Variants in R3HDM1 observed in about 807,000 individuals in gnomAD.
The protein encoded by R3HDM1 is R3H domain containing 1.
In R3HDM1, 46 loss-of-function variants were observed where a neutral mutation model predicts 141.1. The ratio of observed to expected loss-of-function variants is 0.33; its 90% CI spans 0.26 to 0.42. R3HDM1 has a LOEUF of 0.42. Ranked by LOEUF, R3HDM1 falls within the 10% of genes least tolerant of loss-of-function variation. The pLI, the probability that R3HDM1 is intolerant of heterozygous loss-of-function variation, is 1.00. For synonymous variants in R3HDM1, 435 were observed against 472.9 expected, an observed-to-expected ratio of 0.92 and a Z score of 1.04; for missense variants, 1,184 against 1,368.3, an observed-to-expected ratio of 0.87 and a Z score of 2.12.
In R3HDM1 at chr2:135,680,191, T is replaced by C. The variant is rs1283865962; in HGVS notation, c.2326T>C (p.Ser776Pro). 3.7e-6 allele frequency: 6 copies of C among 1,613,890 alleles called. No individual in the cohort carries two copies. Among genetic ancestry groups the C allele is most frequent in the South Asian group, 1.1e-5 (1 of 91,046 alleles). Reference protein sequence around the residue: ...PTYQVSLPQGSQGIPHQTYQQ... With the variant: ...PTYQVSLPQGPQGIPHQTYQQ... Reference sequence around the variant, plus strand: ...ATTTTAGGTTTCACTGCCTCAAGGTTCTCAAGGAATTCCCCATCAGACTTA... The same window carrying C: ...ATTTTAGGTTTCACTGCCTCAAGGTCCTCAAGGAATTCCCCATCAGACTTA... The change falls in exon 21 of 27, where the codon TCT (serine) becomes CCT (proline). Residue 776 changes from serine (S) to proline (P), a missense_variant. Ser to Pro is a moderately conservative substitution (Grantham distance 74). This residue lies in a region of R3HDM1 where 563 missense variants were observed against 562.0 expected (regional missense o/e 1.00). Coordinates refer to ENST00000683871, the MANE Select transcript of R3HDM1 (RefSeq NM_001378107.1).
chr2:135,696,233 A>G (rs2073225423), intron 21 of R3HDM1, among the ~76,000 whole-genome samples: 2 of 152,216 alleles, frequency 1.3e-5, no homozygotes, highest in Admixed American at 1.3e-4. Flanking sequence ...CAAAAAATAT[A>G]TATAAACCAC....
At position 135,640,427 on chromosome 2, in the gene R3HDM1, A is replaced by G. The variant is rs115032488; in HGVS notation, c.1220-1109A>G. 3.9e-3 allele frequency among the ~76,000 whole-genome samples: 593 copies of G among 152,358 alleles called. 3 individuals carry two copies. The highest frequency in any genetic ancestry group is 0.014 in the African/African-American group (570 of 41,584). ...TCATAACAGAAAAAGCTATTTATGTATCATGAGAAAATTATGTAGACACAC... is the reference window on the plus strand; with the variant it reads ...TCATAACAGAAAAAGCTATTTATGTGTCATGAGAAAATTATGTAGACACAC... On this transcript the variant is annotated intron_variant, in intron 14 of 26. Transcript: ENST00000683871.
At chr2:135,667,782 A>G (rs927481068) in intron 19 of R3HDM1, 2 of 972,476 alleles carry the variant, frequency 2.1e-6, no homozygotes, top group Non-Finnish European at 2.4e-6. Flanking sequence ...TTTCTTTCTC[A>G]AACTTGGCAG....
At chr2:135,572,660 T>C (rs1704409081) in intron 1 of R3HDM1, among the ~76,000 whole-genome samples, 1 of 152,188 alleles carries the variant, frequency 6.6e-6, no homozygotes, top group South Asian at 2.1e-4. Flanking sequence ...CCCAGATATA[T>C]AGGCAAGAGA....
chr2:135,715,228 A>G (rs2076048863), intron 23 of R3HDM1, among the ~76,000 whole-genome samples: 1 of 152,186 alleles, frequency 6.6e-6, no homozygotes, highest in African/African-American at 2.4e-5. Flanking sequence ...GGGTGCCTGT[A>G]GTCCCAGCTA....
chr2:135,588,973 TACAG>T (rs1396517552), intron 1 of R3HDM1, among the ~76,000 whole-genome samples: 1 of 152,160 alleles, frequency 6.6e-6, no homozygotes, highest in Admixed American at 6.6e-5. Context: ...GCGAAAACAG[TACAG>T]AGAGTATTTT....
rs1385553323 is a variant in R3HDM1, at chr2:135,618,537, A to G, written c.303+1780A>G. ...TGCATTTATTTGATATAATAGATGCATTTTAGCAATGAAATAGACTTTCTA... is the reference window on the plus strand; with the variant it reads ...TGCATTTATTTGATATAATAGATGCGTTTTAGCAATGAAATAGACTTTCTA... On this transcript the variant is annotated intron_variant, in intron 5 of 26. Coordinates refer to ENST00000683871, the MANE Select transcript of R3HDM1 (RefSeq NM_001378107.1). 2.7e-5 allele frequency among the ~76,000 whole-genome samples: 4 copies of G among 148,094 alleles called. No homozygotes were observed. In the Admixed American group the frequency reaches 2.7e-4, roughly 10 times the overall value.
In R3HDM1 at chr2:135,542,606, T is replaced by C. The variant is rs184306755; in HGVS notation, c.-250+10973T>C. On this transcript the variant is annotated intron_variant, in intron 1 of 26. Coordinates refer to ENST00000683871, the MANE Select transcript of R3HDM1 (RefSeq NM_001378107.1). ...TCAAGAGGCATTATTCAACCAGATA[T>C]TTATATTATAAGCATATTATCTGTA... Among the ~76,000 whole-genome samples, 35 of 152,308 alleles carry C rather than the reference T, an allele frequency of 2.3e-4. No homozygotes were observed. In the East Asian group the frequency reaches 3.5e-3, roughly 15 times the overall value.
intron 1 of R3HDM1, chr2:135,559,028 A>C: frequency 1.0e-6 from 1 of 979,884 alleles, no homozygotes; most frequent in South Asian, 4.7e-5. Flanking sequence ...ATACCTTATC[A>C]GTGGTATTTA....
chr2:135,612,237 A>G (rs2060616303), intron 3 of R3HDM1, among the ~76,000 whole-genome samples: 3 of 152,184 alleles, frequency 2.0e-5, no homozygotes, highest in Admixed American at 1.3e-4. Context: ...ATTTTAATTC[A>G]TTATCTTCCT....
intron 5 of R3HDM1, among the ~76,000 whole-genome samples, 155 bp from the exon 6 acceptor site, chr2:135,621,339 A>G (rs1446748571): frequency 6.6e-6 from 1 of 152,074 alleles, no homozygotes; most frequent in Non-Finnish European, 1.5e-5. Flanking sequence ...AAAGTAGTAA[A>G]GTATTATTAA....
rs150498555 is a variant in R3HDM1 at position 135,651,884 on chromosome 2, A to G, written c.1880A>G (p.His627Arg). ...ATCATGACAGCAGCCCCTCCACCACATCCTCCTCCACCGCCACCACCACCA... is the reference window on the plus strand; with the variant it reads ...ATCATGACAGCAGCCCCTCCACCACGTCCTCCTCCACCGCCACCACCACCA... Reference protein sequence around the residue: ...GYIMTAAPPPHPPPPPPPPPP... With the variant: ...GYIMTAAPPPRPPPPPPPPPP... The change falls in exon 18 of 27, where the codon CAT (histidine) becomes CGT (arginine). Residue 627 changes from histidine to arginine, a missense_variant. His to Arg is a conservative substitution (Grantham distance 29). Coordinates refer to ENST00000683871, the MANE Select transcript of R3HDM1 (RefSeq NM_001378107.1). 101 of 1,612,816 alleles carry G rather than the reference A, an allele frequency of 6.3e-5. No individual in the cohort carries two copies. The highest frequency in any genetic ancestry group is 8.0e-5 in the Non-Finnish European group (94 of 1,179,682).
chr2:135,551,041 G>A (rs1332200625), intron 1 of R3HDM1, among the ~76,000 whole-genome samples: 7 of 152,172 alleles, frequency 4.6e-5, no homozygotes, highest in African/African-American at 1.7e-4. Flanking sequence ...TCCACCAGTG[G>A]ACAAGGGACC....
intron 7 of R3HDM1, chr2:135,622,992 A>G: frequency 1.0e-6 from 1 of 981,936 alleles, no homozygotes; most frequent in Non-Finnish European, 1.2e-6. Context: ...CTCTTGATTG[A>G]GTTAGACATA....
chr2:135,659,389 C>T (rs6755391), intron 18 of R3HDM1, among the ~76,000 whole-genome samples: 36,296 of 151,768 alleles, frequency 0.24, 6,316 homozygotes, highest in African/African-American at 0.48. Flanking sequence ...TGAGCCCCTG[C>T]CCCTGGCCCT....
chr2:135,669,064 A>G (rs1288331841), intron 19 of R3HDM1: 3 of 855,420 alleles, frequency 3.5e-6, no homozygotes, highest in Non-Finnish European at 4.2e-6. Flanking sequence ...ATTTTTAGAG[A>G]TGGAGTCTCA....
intron 1 of R3HDM1, among the ~76,000 whole-genome samples, chr2:135,558,081 A>G (rs1475046380): frequency 1.3e-5 from 2 of 152,208 alleles, no homozygotes; most frequent in African/African-American, 2.4e-5. Flanking sequence ...CGAGTTATAG[A>G]TTAATTGGTT....
rs998517596 is a variant in R3HDM1, at chr2:135,623,786, G to C, written c.497+1054G>C. ...TGAAAAGGTATTACATAGAAGCTCT[G>C]ACCCTACAGTATTCACTGTCTCTGT... On this transcript the variant is annotated intron_variant, in intron 7 of 26. Coordinates refer to ENST00000683871, the MANE Select transcript of R3HDM1 (RefSeq NM_001378107.1). Among the ~76,000 whole-genome samples the C allele has an allele frequency of 2.6e-5, 4 of 152,290 alleles. No individual in the cohort carries two copies. The East Asian group carries it at 7.7e-4, about 29-fold the overall frequency.
Position 135,536,098 on chromosome 2 carries a change from A to G in R3HDM1, c.-250+4465A>G, listed in dbSNP as rs1023099287. 2.0e-5 allele frequency among the ~76,000 whole-genome samples: 3 copies of G among 151,866 alleles called. 1 individual carries two copies. The highest frequency in any genetic ancestry group is 1.3e-4 in the Admixed American group (2 of 15,248). ...TTTCCAAATTTCTACCTGTCAGCTC[A>G]CTTCTTTAGGCAAGGTGTAAGGTTT... On this transcript the variant is annotated intron_variant, in intron 1 of 26. Transcript: ENST00000683871.
Sources: gnomAD v4.1 joint callset for allele counts (sites outside exome capture counted in the v4.1 genomes callset) on GRCh38, gnomAD v4.1.1 for gene constraint, gnomAD v4.1.1 regional missense constraint, MANE v1.5 for transcripts, NCBI Gene and HGNC (gene_info 2026-07-23, HGNC 2026-07-21) for gene names.